The following CABCOCO1 variants were observed in gnomAD, a reference collection of about 807,000 sequenced individuals.
CABCOCO1 encodes the protein ciliary associated calcium binding coiled-coil 1.
CABCOCO1 carries 28 observed loss-of-function variants against 35.7 expected under a neutral mutation model. The ratio of observed to expected loss-of-function variants is 0.78; its 90% CI spans 0.58 to 1.07. The LOEUF (loss-of-function observed/expected upper bound fraction) is 1.07. Among genes scored for constraint, CABCOCO1 ranks in the 50% least tolerant of loss-of-function variants. The pLI is 0.00. For missense variants in CABCOCO1, 326 were observed against 309.2 expected, an observed-to-expected ratio of 1.05 and a Z score of -0.41; for synonymous variants, 95 against 100.1, an observed-to-expected ratio of 0.95 and a Z score of 0.30.
intron 5 of CABCOCO1, among the ~76,000 whole-genome samples, chr10:61,710,339 A>G (rs571524904): frequency 4.2e-4 from 64 of 151,866 alleles, no homozygotes; most frequent in African/African-American, 1.5e-3. Context: ...TCATTATAAT[A>G]GCTTCTTTAG....
At chr10:61,681,118 T>C in intron 2 of CABCOCO1, 25 bp from the exon 3 acceptor site, 1 of 1,342,852 alleles carries the variant, frequency 7.4e-7, no homozygotes, top group South Asian at 1.5e-5. Context: ...TGAATTAATA[T>C]GTGGATTTTT....
At chr10:61,729,269 T>A (rs1841239376) in intron 5 of CABCOCO1, among the ~76,000 whole-genome samples, 1 of 152,204 alleles carries the variant, frequency 6.6e-6, no homozygotes, top group South Asian at 2.1e-4. Flanking sequence ...TTTCATTTTC[T>A]AGTAATTGTT....
chr10:61,716,745 T>C (rs191229010), intron 5 of CABCOCO1, among the ~76,000 whole-genome samples: 6 of 152,214 alleles, frequency 3.9e-5, no homozygotes, highest in Non-Finnish European at 8.8e-5. Flanking sequence ...TTATAGAAAA[T>C]TGTCAAGATT....
At chr10:61,700,648 C>T (rs971015803) in intron 5 of CABCOCO1, among the ~76,000 whole-genome samples, 2 of 151,956 alleles carry the variant, frequency 1.3e-5, no homozygotes, top group Non-Finnish European at 2.9e-5. Context: ...TTGTCCTTCA[C>T]TGGATTTATC....
At chr10:61,752,966 C>T (rs1264093982) in intron 5 of CABCOCO1, among the ~76,000 whole-genome samples, 2 of 152,116 alleles carry the variant, frequency 1.3e-5, no homozygotes, top group Non-Finnish European at 2.9e-5. Context: ...CAACTGTCAA[C>T]AGGAAGTGCA....
chr10:61,764,930 C>G (rs142493920), intron 7 of CABCOCO1, among the ~76,000 whole-genome samples: 431 of 152,246 alleles, frequency 2.8e-3, no homozygotes, highest in African/African-American at 9.7e-3. Context: ...TATAGTTACA[C>G]TCTTGTAAAT....
chr10:61,731,220 G>A (rs1397096246), intron 5 of CABCOCO1, among the ~76,000 whole-genome samples: 1 of 151,736 alleles, frequency 6.6e-6, no homozygotes, highest in Non-Finnish European at 1.5e-5. Context: ...TTATATGGGA[G>A]CACTATGTAT....
rs367606127 is a variant in CABCOCO1, at chr10:61,761,125, T to C, written c.816+122T>C. 1.5e-5 allele frequency: 15 copies of C among 1,005,656 alleles called. No homozygotes were observed. In the South Asian group the frequency reaches 1.7e-4, roughly 12 times the overall value. The allele number at this position is 1,005,656 out of a possible 1,614,324, so 62.3% of individuals were successfully genotyped here. ...GAGCGATGCTTATGACGAAGTTCAA[T>C]TTAACAGCTTCACATAATTCTCAGT... is the stretch of plus-strand genomic sequence containing the variant. On this transcript the variant is annotated intron_variant, in intron 7 of 7. Transcript: ENST00000648843.
At chr10:61,702,619 AAAG>A (rs1284165838) in intron 5 of CABCOCO1, among the ~76,000 whole-genome samples, 6 of 152,152 alleles carry the variant, frequency 3.9e-5, no homozygotes, top group East Asian at 1.9e-4. Flanking sequence ...TTTTTTTAAA[AAAG>A]AAGATTTTGA....
chr10:61,756,895 GA>G lies in CABCOCO1; in HGVS notation c.553-3155del, dbSNP rs965432879. ...AGAGGTAACATATTAGACTTTTGAG[GA>G]AAAAAAAATGAGACAATTACAATTC... On this transcript the variant is annotated intron_variant, in intron 5 of 7. Transcript: ENST00000648843. 4.9e-3 allele frequency among the ~76,000 whole-genome samples: 724 copies of G among 147,718 alleles called. 9 individuals are homozygous for G. Among genetic ancestry groups the G allele is most frequent in the African/African-American group, 0.016 (661 of 40,328 alleles).
At chr10:61,687,492 T>G (rs1425158495) in intron 4 of CABCOCO1, among the ~76,000 whole-genome samples, 1 of 152,188 alleles carries the variant, frequency 6.6e-6, no homozygotes, top group Non-Finnish European at 1.5e-5. Context: ...AACTGAGCTC[T>G]AAGCCCAGGA....
intron 5 of CABCOCO1, among the ~76,000 whole-genome samples, chr10:61,710,253 AGTGTGTGT>A (rs55784501): frequency 0.2 from 29,731 of 146,380 alleles, 3,337 homozygotes; most frequent in East Asian, 0.54. Flanking sequence ...TGTGTGTGTG[AGTGTGTGT>A]GTGTGTGTGT....
chr10:61,766,224 T>C lies in CABCOCO1; in HGVS notation c.*211T>C. 2.4e-6 allele frequency: 1 copy of C among 419,274 alleles called. No homozygotes were observed. The highest frequency in any genetic ancestry group is 4.3e-6 in the Non-Finnish European group (1 of 231,772). 26.0% of individuals were successfully genotyped at this position (419,274 alleles called of 1,614,324 possible). ...CAGCCTCTGAATTTATTGCACCAAG[T>C]GTAATGAGAACATTTTGTATACAAG... On this transcript the variant is annotated 3_prime_UTR_variant, in exon 8 of 8. Coordinates refer to ENST00000648843, the MANE Select transcript of CABCOCO1 (RefSeq NM_001366906.2).
At chr10:61,721,478 G>A (rs1223386097) in intron 5 of CABCOCO1, among the ~76,000 whole-genome samples, 2 of 152,072 alleles carry the variant, frequency 1.3e-5, no homozygotes, top group Non-Finnish European at 2.9e-5. Context: ...TTTTATAGCA[G>A]CAAATCTAAC....
chr10:61,681,433 G>C, intron 3 of CABCOCO1, 121 bp downstream of exon 3: 1 of 693,972 alleles, frequency 1.4e-6, no homozygotes, highest in Non-Finnish European at 2.2e-6. Context: ...GGTTTTTCCT[G>C]AGTATAACAA....
At chr10:61,694,391 G>A (rs923834259) in intron 5 of CABCOCO1, among the ~76,000 whole-genome samples, 6 of 150,404 alleles carry the variant, frequency 4.0e-5, no homozygotes, top group African/African-American at 1.5e-4. Flanking sequence ...CTGTGCATAC[G>A]TGGATTTTTA....
At chr10:61,750,373 C>G (rs565541717) in intron 5 of CABCOCO1, among the ~76,000 whole-genome samples, 44 of 152,262 alleles carry the variant, frequency 2.9e-4, no homozygotes, top group African/African-American at 1.0e-3. Flanking sequence ...GTCAGGAGTT[C>G]AAGACCAGCC....
chr10:61,731,544 T>G (rs1841302012), intron 5 of CABCOCO1, among the ~76,000 whole-genome samples: 2 of 151,878 alleles, frequency 1.3e-5, no homozygotes, highest in Non-Finnish European at 2.9e-5. Flanking sequence ...TGTATTAAGA[T>G]TAATACAGCA....
At chr10:61,722,537 C>T (rs1343733995) in intron 5 of CABCOCO1, among the ~76,000 whole-genome samples, 1 of 151,916 alleles carries the variant, frequency 6.6e-6, no homozygotes, top group Non-Finnish European at 1.5e-5. Flanking sequence ...AAAGCATTTA[C>T]TCAAGAGTTT....
Sources: allele counts gnomAD v4.1 joint callset (sites outside exome capture counted in the v4.1 genomes callset), GRCh38; gene constraint gnomAD v4.1.1; transcripts MANE v1.5; gene names NCBI Gene and HGNC (gene_info 2026-07-23, HGNC 2026-07-21).